The following MEI4 variants were observed in gnomAD, a reference collection of about 807,000 sequenced individuals.
MEI4 encodes meiotic double-stranded break formation protein 4.
A neutral mutation model predicts 31.4 loss-of-function variants in MEI4; 27 were observed. That is an observed-to-expected ratio of 0.86 (90% CI 0.63 to 1.19). The LOEUF (loss-of-function observed/expected upper bound fraction) is 1.19, where lower values mean the gene tolerates loss of function less well. MEI4 is among the 50% of genes most tolerant of loss of function. The pLI is 0.00. For synonymous variants in MEI4, 122 were observed against 145.4 expected (o/e 0.84, Z 1.16); for missense variants, 329 against 398.9 (o/e 0.82, Z 1.49).
intron 1 of MEI4, among the ~76,000 whole-genome samples, chr6:77,658,196 C>T (rs9343637): frequency 0.072 from 10,859 of 151,738 alleles, 511 homozygotes; most frequent in African/African-American, 0.13. Context: ...CAATGTTTTG[C>T]GGGCAGGGGG....
intron 2 of MEI4, among the ~76,000 whole-genome samples, chr6:77,710,807 A>C (rs1053115049): frequency 1.3e-5 from 2 of 152,154 alleles, no homozygotes; most frequent in African/African-American, 4.8e-5. Flanking sequence ...TGATTCTTTC[A>C]TAGTCCTTAG....
At position 77,905,803 on chromosome 6, in the gene MEI4, T is replaced by C. The variant is rs1766282430; in HGVS notation, c.901-17286T>C. 2.0e-5 allele frequency among the ~76,000 whole-genome samples: 3 copies of C among 151,288 alleles called. No homozygotes were observed. The South Asian group carries it at 6.2e-4, about 31-fold the overall frequency. ...GAGCCACTGAGCCGGGCCAGCTTTT[T>C]TTTTTTTTAATAATATAAGATTTCT... On this transcript the variant is annotated intron_variant, in intron 4 of 4. Coordinates refer to ENST00000684080, the MANE Select transcript of MEI4 (RefSeq NM_001322247.2).
intron 2 of MEI4, among the ~76,000 whole-genome samples, chr6:77,701,741 C>A (rs1367263390): frequency 6.6e-6 from 1 of 151,996 alleles, no homozygotes; most frequent in Non-Finnish European, 1.5e-5. Flanking sequence ...AAGAAAAAAT[C>A]AAACTAAATT....
intron 2 of MEI4, among the ~76,000 whole-genome samples, chr6:77,708,767 C>G (rs1766389079): frequency 6.6e-6 from 1 of 152,016 alleles, no homozygotes; most frequent in South Asian, 2.1e-4. Flanking sequence ...TGACACCTCC[C>G]CTGTCTCTTG....
chr6:77,733,582 C>T (rs1015988365), intron 2 of MEI4, among the ~76,000 whole-genome samples: 2 of 151,956 alleles, frequency 1.3e-5, no homozygotes, highest in Admixed American at 1.3e-4. Context: ...AAACCAGCTC[C>T]TGGATTGATT....
chr6:77,710,995 A>G (rs1226744003), intron 2 of MEI4, among the ~76,000 whole-genome samples: 1 of 152,230 alleles, frequency 6.6e-6, no homozygotes, highest in African/African-American at 2.4e-5. Flanking sequence ...ATTAGAAAGA[A>G]TGGAACCCCC....
intron 3 of MEI4, among the ~76,000 whole-genome samples, chr6:77,793,180 A>T (rs1402938655): frequency 6.6e-6 from 1 of 152,046 alleles, no homozygotes; most frequent in Non-Finnish European, 1.5e-5. Context: ...ATACAAGTAA[A>T]CCTCCATAAG....
chr6:77,846,642 C>G (rs1457400958), intron 4 of MEI4, among the ~76,000 whole-genome samples: 1 of 152,150 alleles, frequency 6.6e-6, no homozygotes, highest in East Asian at 1.9e-4. Flanking sequence ...TTCCCTGTCC[C>G]TGGTCATTGT....
intron 4 of MEI4, among the ~76,000 whole-genome samples, chr6:77,897,959 C>T (rs1461746567): frequency 1.3e-5 from 2 of 151,940 alleles, no homozygotes; most frequent in Non-Finnish European, 2.9e-5. Context: ...TATAACACAA[C>T]CTTTGGAAGA....
intron 1 of MEI4, among the ~76,000 whole-genome samples, chr6:77,675,828 A>C (rs1284166227): frequency 6.6e-6 from 1 of 152,168 alleles, no homozygotes; most frequent in East Asian, 1.9e-4. Flanking sequence ...GCCACTACTA[A>C]CTATAATGAA....
chr6:77,790,919 A>G lies in MEI4; in HGVS notation c.768+29254A>G, dbSNP rs187889045. Among the ~76,000 whole-genome samples the G allele has an allele frequency of 1.4e-3, 212 of 152,322 alleles. 1 individual carries two copies. The highest frequency in any genetic ancestry group is 4.5e-3 in the African/African-American group (186 of 41,580). ...AAGAAGACATTTATGCAGCCAACGG[A>G]CACATGAAAAAACGCTCATCATCAC... is the stretch of plus-strand genomic sequence containing the variant. On this transcript the variant is annotated intron_variant, in intron 3 of 4. Coordinates refer to ENST00000684080, the MANE Select transcript of MEI4 (RefSeq NM_001322247.2).
intron 1 of MEI4, among the ~76,000 whole-genome samples, chr6:77,668,983 A>G (rs1448866871): frequency 1.3e-5 from 2 of 152,198 alleles, no homozygotes; most frequent in African/African-American, 2.4e-5. Context: ...AAGAATGATG[A>G]TGAATTAATC....
chr6:77,744,530 G>T (rs953263843), intron 2 of MEI4, among the ~76,000 whole-genome samples: 1 of 152,110 alleles, frequency 6.6e-6, no homozygotes, highest in African/African-American at 2.4e-5. Flanking sequence ...ATGGAACCAA[G>T]TTGGAAAACA....
intron 4 of MEI4, among the ~76,000 whole-genome samples, chr6:77,890,750 C>T (rs961820705): frequency 6.6e-6 from 1 of 152,080 alleles, no homozygotes; most frequent in Admixed American, 6.5e-5. Context: ...TGGGAGGGAC[C>T]CAGTGGGAGG....
intron 3 of MEI4, among the ~76,000 whole-genome samples, chr6:77,766,013 G>C (rs981085350): frequency 6.6e-6 from 1 of 151,412 alleles, no homozygotes; most frequent in African/African-American, 2.5e-5. Context: ...GGGACCATCA[G>C]CTGATTTTCT....
chr6:77,651,166 G>T (rs183532247), upstream of MEI4, among the ~76,000 whole-genome samples: 13 of 152,278 alleles, frequency 8.5e-5, no homozygotes, highest in African/African-American at 2.4e-4. Flanking sequence ...CATGGAGGAG[G>T]TGTCCCTTTA....
chr6:77,756,124 T>A (rs1245255869), intron 2 of MEI4, among the ~76,000 whole-genome samples: 1 of 152,134 alleles, frequency 6.6e-6, no homozygotes, highest in Non-Finnish European at 1.5e-5. Context: ...CTGGTTGTAG[T>A]TATGAAAGAC....
intron 4 of MEI4, among the ~76,000 whole-genome samples, chr6:77,841,333 A>ATATTTTTTTTTTTTTT: frequency 1.1e-4 from 3 of 27,736 alleles, no homozygotes; most frequent in Admixed American, 5.9e-4. Flanking sequence ...ATATATATAT[A>ATATTTTTTTTTTTTTT]TTTTTTTTTT....
At chr6:77,900,146 AT>A (rs1562030753) in intron 4 of MEI4, among the ~76,000 whole-genome samples, 1 of 152,016 alleles carries the variant, frequency 6.6e-6, no homozygotes, top group East Asian at 1.9e-4. Flanking sequence ...CCAAAAAATA[AT>A]TATTGGCAAG....
Sources: gnomAD v4.1 joint callset for allele counts (sites outside exome capture counted in the v4.1 genomes callset) on GRCh38, gnomAD v4.1.1 for gene constraint, MANE v1.5 for transcripts, NCBI Gene and HGNC (gene_info 2026-07-23, HGNC 2026-07-21) for gene names.